Variants in LRIG2 observed in about 807,000 individuals in gnomAD.
The protein encoded by LRIG2 is leucine-rich repeats and immunoglobulin-like domains protein 2.
A neutral mutation model predicts 107.8 loss-of-function variants in LRIG2; 93 were observed. The ratio of observed to expected loss-of-function variants is 0.86; its 90% CI spans 0.73 to 1.03. LRIG2 has a LOEUF of 1.03. Among genes scored for constraint, LRIG2 ranks in the 50% least tolerant of loss-of-function variants. The pLI, the probability that LRIG2 is intolerant of heterozygous loss-of-function variation, is 0.00. For missense variants in LRIG2, 1,226 were observed against 1,296.0 expected, an observed-to-expected ratio of 0.95 and a Z score of 0.83; for synonymous variants, 471 against 470.6, an observed-to-expected ratio of 1.00 and a Z score of -0.01.
intron 1 of LRIG2, among the ~76,000 whole-genome samples, chr1:113,077,229 C>T (rs1653020115): frequency 6.6e-6 from 1 of 152,126 alleles, no homozygotes; most frequent in Admixed American, 6.6e-5. Context: ...ACTGCAACCT[C>T]TGTCGCCCGG....
In LRIG2 at chr1:113,114,425, A is replaced by T. The variant is rs1553230743; in HGVS notation, c.2081-2A>T. On this transcript the variant is annotated splice_acceptor_variant, in intron 14 of 17. Transcript: ENST00000361127. LOFTEE classifies it high-confidence loss of function. ...TTTTTTTTTTTAATGTTTTCCTGTT[A>T]GAGACACCCTCATTTATTAGACCCC... 1 of 1,550,016 alleles carries T rather than the reference A, an allele frequency of 6.5e-7. No individual in the cohort carries two copies. The highest frequency in any genetic ancestry group is 8.7e-7 in the Non-Finnish European group (1 of 1,147,440).
intron 4 of LRIG2, among the ~76,000 whole-genome samples, chr1:113,094,051 G>A (rs1291838747): frequency 6.6e-6 from 1 of 152,098 alleles, no homozygotes; most frequent in African/African-American, 2.4e-5. Context: ...GGTAAATAGA[G>A]ATTTGTTAAA....
Position 113,100,417 on chromosome 1 carries a change from C to G in LRIG2, c.1245-3C>G. 1 of 1,516,520 alleles carries G rather than the reference C, an allele frequency of 6.6e-7. No homozygotes were observed. The highest frequency in any genetic ancestry group is 2.3e-5 in the East Asian group (1 of 44,178). 93.9% of individuals were successfully genotyped at this position (1,516,520 alleles called of 1,614,324 possible). On this transcript the variant is annotated splice_polypyrimidine_tract_variant and splice_region_variant and intron_variant, in intron 10 of 17. Coordinates refer to ENST00000361127, the MANE Select transcript of LRIG2 (RefSeq NM_014813.3). ...GATAATGTTTCATTTCTCTTTATTT[C>G]AGAGATTTGAACAATAATGCTATAA... is the stretch of plus-strand genomic sequence containing the variant.
At chr1:113,091,433 T>G (rs2101031992) in intron 2 of LRIG2, 50 bp downstream of exon 2, 1 of 1,207,342 alleles carries the variant, frequency 8.3e-7, no homozygotes, top group East Asian at 2.5e-5. Context: ...TGAGGGAACT[T>G]AATAAATTGT....
rs1048250380 is a variant in LRIG2 at position 113,116,423 on chromosome 1, C to T, written c.2667C>T (p.His889=). 6.3e-7 allele frequency: 1 copy of T among 1,587,716 alleles called. No individual in the cohort carries two copies. The stretch of plus-strand genomic sequence containing the variant: ...TGCCTCCTGCCAATGGATATATACA[C>T]AAAGGCACTGACGGTAATGACTCTG... ...QLMPPANGYI[H]KGTDGGTGTR... The change falls in exon 16 of 18, where the codon CAC becomes CAT. Residue 889 remains histidine, a synonymous_variant. Transcript: ENST00000361127.
Position 113,073,243 on chromosome 1 carries a change from C to A in LRIG2, c.-164C>A. 1.5e-6 allele frequency: 1 copy of A among 650,966 alleles called. No homozygotes were observed. Among genetic ancestry groups the A allele is most frequent in the Non-Finnish European group, 2.7e-6 (1 of 369,388 alleles). The allele number at this position is 650,966 out of a possible 1,614,324, so 40.3% of individuals were successfully genotyped here. On this transcript the variant is annotated 5_prime_UTR_variant, in exon 1 of 18. Transcript: ENST00000361127. ...GCCGTGTGTCCCAGGCCGTCGACCC[C>A]GCTGTCGCGCTGCGTCTGCTCCTTG... is the stretch of plus-strand genomic sequence containing the variant.
intron 17 of LRIG2, among the ~76,000 whole-genome samples, chr1:113,123,589 A>G (rs966893202): frequency 3.6e-4 from 55 of 152,336 alleles, no homozygotes; most frequent in African/African-American, 1.3e-3. Context: ...AAATAAATAA[A>G]TAAAATAAAA....
chr1:113,105,041 G>A (rs903207796), intron 11 of LRIG2, among the ~76,000 whole-genome samples: 1 of 152,022 alleles, frequency 6.6e-6, no homozygotes, highest in Non-Finnish European at 1.5e-5. Context: ...AGCTACTCAG[G>A]TGGCTGAGGC....
At chr1:113,087,369 G>GA (rs1439602731) in intron 1 of LRIG2, among the ~76,000 whole-genome samples, 1 of 152,072 alleles carries the variant, frequency 6.6e-6, no homozygotes, top group East Asian at 1.9e-4. Context: ...TTTTTTGGGG[G>GA]ATGGAGTCTA....
At chr1:113,090,321 A>G (rs1653745392) in intron 1 of LRIG2, among the ~76,000 whole-genome samples, 1 of 152,110 alleles carries the variant, frequency 6.6e-6, no homozygotes, top group Non-Finnish European at 1.5e-5. Context: ...GGGAAGGGGA[A>G]TTGGGTGGCT....
chr1:113,101,459 A>T (rs527435519), intron 11 of LRIG2, among the ~76,000 whole-genome samples: 1 of 152,384 alleles, frequency 6.6e-6, no homozygotes, highest in Admixed American at 6.5e-5. Context: ...CTGGGAAGCT[A>T]CTCAAAGGAT....
intron 1 of LRIG2, among the ~76,000 whole-genome samples, chr1:113,079,945 A>T (rs1316849174): frequency 2.1e-5 from 3 of 145,192 alleles, no homozygotes; most frequent in African/African-American, 5.1e-5. Flanking sequence ...GGCCAGACTG[A>T]TCTCAAACTC....
chr1:113,113,448 A>T (rs1654859074), intron 14 of LRIG2, among the ~76,000 whole-genome samples: 1 of 149,914 alleles, frequency 6.7e-6, no homozygotes, highest in Non-Finnish European at 1.5e-5. Context: ...CTATTTTCCT[A>T]TATGTCAGTT....
At chr1:113,119,559 C>T in intron 17 of LRIG2, 36 bp downstream of exon 17, 3 of 1,592,188 alleles carry the variant, frequency 1.9e-6, no homozygotes, top group Non-Finnish European at 2.6e-6. Flanking sequence ...TTTGTTTTTA[C>T]TTTCGTCTAA....
chr1:113,073,455 C>T lies in LRIG2; in HGVS notation c.49C>T (p.Arg17Ter), dbSNP rs1247639925. The change falls in exon 1 of 18, where the codon CGA becomes TGA. Residue 17 changes from arginine (R) to a stop codon, truncating the protein, a stop_gained. Coordinates refer to ENST00000361127, the MANE Select transcript of LRIG2 (RefSeq NM_014813.3). LOFTEE classifies it high-confidence loss of function. ...GVPEEQLLGC[R>*]SRVLSRLLFI... Reference sequence around the variant, plus strand: ...CCCGGAGGAGCAGTTGCTGGGGTGTCGATCTAGAGTGCTTTCTCGGTTACT... The same window carrying T: ...CCCGGAGGAGCAGTTGCTGGGGTGTTGATCTAGAGTGCTTTCTCGGTTACT... The T allele has an allele frequency of 1.2e-6, 2 of 1,613,926 alleles. No individual in the cohort carries two copies. Among genetic ancestry groups the T allele is most frequent in the Non-Finnish European group, 1.7e-6 (2 of 1,179,980 alleles).
chr1:113,083,345 CT>C (rs10641659), intron 1 of LRIG2, among the ~76,000 whole-genome samples: 49 of 109,030 alleles, frequency 4.5e-4, no homozygotes, highest in African/African-American at 1.4e-3. Context: ...TGGCTGCTCA[CT>C]TTTTTTTTTT....
rs369322755 is a variant in LRIG2, at chr1:113,107,676, T to G, written c.1396T>G (p.Ser466Ala). Reference protein sequence around the residue: ...QWLVDNNFQHSVNVSCAHPEW... With the variant: ...QWLVDNNFQHAVNVSCAHPEW... ...GTTGGTTGATAATAACTTTCAACAT[T>G]CTGTGAATGTAAGCTGTGCACACCC... Residue 466 changes from serine (S) to alanine (A), a missense_variant, in exon 12 of 18, where the codon TCT becomes GCT. By Grantham distance (99) the Ser-to-Ala change is moderately conservative. Around this residue, in one of 3 missense-constraint regions of LRIG2, gnomAD observed 570 missense variants for 550.2 expected, o/e 1.04. Transcript: ENST00000361127. The G allele has an allele frequency of 6.8e-6, 11 of 1,613,860 alleles. No individual in the cohort carries two copies. The African/African-American group carries it at 1.2e-4, about 18-fold the overall frequency.
At chr1:113,084,035 TAA>T (rs1653420366) in intron 1 of LRIG2, among the ~76,000 whole-genome samples, 2 of 141,776 alleles carry the variant, frequency 1.4e-5, no homozygotes, top group Admixed American at 7.6e-5. Flanking sequence ...ATAATAATAA[TAA>T]TAATATTGGC....
At chr1:113,078,157 C>G in intron 1 of LRIG2, among the ~76,000 whole-genome samples, 1 of 151,886 alleles carries the variant, frequency 6.6e-6, no homozygotes. Flanking sequence ...TGGGTTGGTT[C>G]AAAGTCTTTG....
Sources: allele counts gnomAD v4.1 joint callset (sites outside exome capture counted in the v4.1 genomes callset), GRCh38; gene constraint gnomAD v4.1.1; regional missense constraint gnomAD v4.1.1; transcripts MANE v1.5; gene names NCBI Gene and HGNC (gene_info 2026-07-23, HGNC 2026-07-21).